The following CYFIP2 variants were observed in gnomAD, a reference collection of about 807,000 sequenced individuals.
CYFIP2 encodes the protein cytoplasmic FMR1 interacting protein 2, also known as cytoplasmic FMR1-interacting protein 2.
CYFIP2 carries 29 observed loss-of-function variants against 158.7 expected under a neutral mutation model. The ratio of observed to expected loss-of-function variants is 0.18; its 90% CI spans 0.14 to 0.25. The LOEUF (loss-of-function observed/expected upper bound fraction) is 0.25. Among genes scored for constraint, CYFIP2 ranks in the 10% least tolerant of loss-of-function variants. The probability of loss-of-function intolerance (pLI) is 1.00; values close to 1 mark genes in which losing one functional copy is unlikely to be tolerated. For synonymous variants in CYFIP2, 585 were observed against 617.6 expected (o/e 0.95, Z 0.78); for missense variants, 852 against 1,639.5 (o/e 0.52, Z 8.29).
chr5:157,362,475 T>G (rs1763926606), intron 26 of CYFIP2: 1 of 152,246 alleles, frequency 6.6e-6, no homozygotes, highest in Non-Finnish European at 1.5e-5. Flanking sequence ...ACCTTCTTGC[T>G]TATCAGCTTG....
chr5:157,303,832 G>A (rs777272953), intron 7 of CYFIP2, among the ~76,000 whole-genome samples: 3 of 151,552 alleles, frequency 2.0e-5, no homozygotes, highest in Admixed American at 6.6e-5. Flanking sequence ...CCTCCCCACC[G>A]CCAGCTCTCC....
intron 20 of CYFIP2, among the ~76,000 whole-genome samples, chr5:157,331,902 A>G (rs1374913883): frequency 6.6e-6 from 1 of 152,186 alleles, no homozygotes; most frequent in Admixed American, 6.5e-5. Flanking sequence ...GTACTCAACA[A>G]ATGTTCATTG....
chr5:157,377,970 C>T (rs1382797924), intron 26 of CYFIP2, among the ~76,000 whole-genome samples: 1 of 152,132 alleles, frequency 6.6e-6, no homozygotes, highest in Non-Finnish European at 1.5e-5. Flanking sequence ...AGTGGAAGCC[C>T]TGAATGAATA....
chr5:157,300,490 G>T lies in CYFIP2; in HGVS notation c.388-225G>T, dbSNP rs900795551. Among the ~76,000 whole-genome samples, 3 of 149,452 alleles carry T rather than the reference G, an allele frequency of 2.0e-5. No homozygotes were observed. The Admixed American group carries it at 2.0e-4, about 10-fold the overall frequency. The stretch of plus-strand genomic sequence containing the variant: ...GTGGAGGTTGCAGTGAGCCGAGATC[G>T]CACCGCTGCACTCCAGCCTGGTGAC... On this transcript the variant is annotated intron_variant, in intron 5 of 30. Transcript: ENST00000620254.
rs993801188 is a variant in CYFIP2 at position 157,281,744 on chromosome 5, C to T, written c.-23-3595C>T. Among the ~76,000 whole-genome samples the T allele has an allele frequency of 6.0e-4, 91 of 152,126 alleles. 3 individuals are homozygous for T. The highest frequency in any genetic ancestry group is 1.3e-4 in the Non-Finnish European group (9 of 68,028). ...TTTATAAGTATGTAAAATGTTTTGA[C>T]GTTTTCAAAGTCAAATCTACAAAAT... On this transcript the variant is annotated intron_variant, in intron 1 of 30. Transcript: ENST00000620254.
At chr5:157,287,930 A>C (rs1237763308) in intron 3 of CYFIP2, among the ~76,000 whole-genome samples, 1 of 152,058 alleles carries the variant, frequency 6.6e-6, no homozygotes, top group Non-Finnish European at 1.5e-5. Flanking sequence ...CTGTCTCTAC[A>C]AAAATTTTAA....
chr5:157,325,832 C>G, intron 17 of CYFIP2, 194 bp downstream of exon 17: 1 of 607,112 alleles, frequency 1.6e-6, no homozygotes, highest in Non-Finnish European at 2.7e-6. Context: ...GTTTCCCAGC[C>G]CAACTGCCCT....
chr5:157,310,932 G>T (rs1012938000), intron 10 of CYFIP2: 21 of 452,962 alleles, frequency 4.6e-5, no homozygotes, highest in African/African-American at 3.8e-4. Context: ...GAGGGTGAAG[G>T]GAGTGGTCCT....
chr5:157,387,542 G>T (rs188253802), intron 28 of CYFIP2, among the ~76,000 whole-genome samples: 111 of 152,314 alleles, frequency 7.3e-4, no homozygotes, highest in African/African-American at 2.6e-3. Flanking sequence ...ACAAATTGGG[G>T]TCTTTTATTT....
chr5:157,382,285 C>A (rs560820699), intron 26 of CYFIP2, among the ~76,000 whole-genome samples: 1 of 152,286 alleles, frequency 6.6e-6, no homozygotes, highest in South Asian at 2.1e-4. Context: ...TCAACAAATT[C>A]CTGATAAGAT....
chr5:157,338,067 C>T (rs1761984672), intron 21 of CYFIP2, among the ~76,000 whole-genome samples: 1 of 152,246 alleles, frequency 6.6e-6, no homozygotes, highest in East Asian at 1.9e-4. Context: ...TCTGTCTCTA[C>T]ATAAGACTGT....
At chr5:157,389,657 A>T (rs953286019) in intron 29 of CYFIP2, 1 of 475,266 alleles carries the variant, frequency 2.1e-6, no homozygotes, top group African/African-American at 2.0e-5. Flanking sequence ...TACTACTGGA[A>T]AATGAGGAGC....
intron 2 of CYFIP2, 43 bp from the exon 3 acceptor site, chr5:157,286,976 T>A (rs1757444235): frequency 6.4e-7 from 1 of 1,557,066 alleles, no homozygotes. Flanking sequence ...AACTTGGAAC[T>A]GTTTTCTAAC....
At chr5:157,388,061 G>A (rs530548399) in intron 28 of CYFIP2, among the ~76,000 whole-genome samples, 79 of 152,284 alleles carry the variant, frequency 5.2e-4, no homozygotes, top group African/African-American at 1.9e-3. Context: ...ATGGCTCCTT[G>A]GTGAAACCTC....
chr5:157,384,076 G>C (rs1766397194), intron 28 of CYFIP2: 1 of 347,544 alleles, frequency 2.9e-6, no homozygotes, highest in Non-Finnish European at 5.7e-6. Context: ...AGATAGAATA[G>C]AGTGGGAGAG....
At position 157,266,449 on chromosome 5, in the gene CYFIP2, G is replaced by C. The variant is rs1359655700; in HGVS notation, c.-24+254G>C. 1 of 152,194 alleles carries C rather than the reference G, an allele frequency of 6.6e-6. No homozygotes were observed. The highest frequency in any genetic ancestry group is 1.5e-5 in the Non-Finnish European group (1 of 68,100). 9.4% of individuals were successfully genotyped at this position (152,194 alleles called of 1,614,324 possible). A position where few individuals can be genotyped will look rare whatever the true frequency, so the allele number is the denominator to read the frequency against. On this transcript the variant is annotated intron_variant, in intron 1 of 30. Transcript: ENST00000620254. The surrounding 1 kb of genome is among the most constrained non-coding windows in gnomAD (Gnocchi z 4.2). ...GGGCACATCGCGGAGCTCCGGCGCGGCGGCGGGGGAGCCGCAGCAGCAGGT... is the reference window on the plus strand; with the variant it reads ...GGGCACATCGCGGAGCTCCGGCGCGCCGGCGGGGGAGCCGCAGCAGCAGGT...
chr5:157,323,466 T>C (rs1448076418), intron 15 of CYFIP2, among the ~76,000 whole-genome samples: 1 of 152,196 alleles, frequency 6.6e-6, no homozygotes, highest in African/African-American at 2.4e-5. Flanking sequence ...TCATGTTACA[T>C]GAGACAACTG....
intron 2 of CYFIP2, 137 bp from the exon 3 acceptor site, chr5:157,286,882 A>G: frequency 3.3e-6 from 2 of 613,342 alleles, no homozygotes; most frequent in South Asian, 1.8e-5. Flanking sequence ...GGGAAGGGGC[A>G]AGATGAAAGG....
At chr5:157,318,463 G>T (rs1187915564) in intron 13 of CYFIP2, among the ~76,000 whole-genome samples, 1 of 152,158 alleles carries the variant, frequency 6.6e-6, no homozygotes, top group Non-Finnish European at 1.5e-5. Context: ...GTCCTCTAAT[G>T]CTTCTCTCCC....
Sources: gnomAD v4.1 joint callset for allele counts (sites outside exome capture counted in the v4.1 genomes callset) on GRCh38, gnomAD v4.1.1 for gene constraint, Gnocchi (gnomAD v3.1) non-coding constraint, MANE v1.5 for transcripts, NCBI Gene and HGNC (gene_info 2026-07-23, HGNC 2026-07-21) for gene names.